The following CCDC92 variants were observed in gnomAD, a reference collection of about 807,000 sequenced individuals.
The protein encoded by CCDC92 is coiled-coil domain-containing protein 92.
In CCDC92, 12 loss-of-function variants were observed where a neutral mutation model predicts 24.9. The ratio of observed to expected loss-of-function variants is 0.48; its 90% CI spans 0.31 to 0.78. CCDC92 has a LOEUF of 0.78. CCDC92 is among the 30% of genes least tolerant of loss of function. CCDC92 has a pLI of 0.05. For missense variants in CCDC92, 399 were observed against 439.4 expected (o/e 0.91, Z 0.82); for synonymous variants, 193 against 196.3 (o/e 0.98, Z 0.14).
At chr12:123,941,671 G>GC (rs1244787881) in intron 4 of CCDC92, among the ~76,000 whole-genome samples, 1 of 152,216 alleles carries the variant, frequency 6.6e-6, no homozygotes, top group Non-Finnish European at 1.5e-5. Flanking sequence ...GCTCCGCCTT[G>GC]CCCCGGCACG....
chr12:123,941,028 T>C (rs965384853), intron 4 of CCDC92, among the ~76,000 whole-genome samples: 1 of 4,230 alleles, frequency 2.4e-4, no homozygotes, highest in Non-Finnish European at 4.7e-4. Flanking sequence ...GGTGGGTGGG[T>C]GGGCAGGTGG....
In CCDC92 at chr12:123,936,641, G is replaced by C. The variant is rs529809033; in HGVS notation, c.*417C>G. On this transcript the variant is annotated 3_prime_UTR_variant, in exon 5 of 5. Transcript: ENST00000238156. ...GGAGGTGACAAGGGTCTCCAGGAGG[G>C]AGCAGGGGCTGCTCGGCCAGGCTGC... is the stretch of plus-strand genomic sequence containing the variant. The C allele has an allele frequency of 3.1e-4, 66 of 213,654 alleles. No individual in the cohort carries two copies. The highest frequency in any genetic ancestry group is 4.4e-4 in the Non-Finnish European group (47 of 106,370). The allele number at this position is 213,654 out of a possible 1,614,324, so 13.2% of individuals were successfully genotyped here.
chr12:123,967,556 A>G (rs1956422825), intron 1 of CCDC92, among the ~76,000 whole-genome samples: 1 of 152,224 alleles, frequency 6.6e-6, no homozygotes. Flanking sequence ...TTCAATGTTT[A>G]AGGTATGGCA....
chr12:123,943,516 C>T, intron 2 of CCDC92, 23 bp from the exon 3 acceptor site: 4 of 1,613,350 alleles, frequency 2.5e-6, no homozygotes, highest in Non-Finnish European at 3.4e-6. Flanking sequence ...CAGACCCTGG[C>T]TGCGGTGCCT....
chr12:123,942,351 G>A (rs933305848), intron 4 of CCDC92, among the ~76,000 whole-genome samples: 2 of 152,236 alleles, frequency 1.3e-5, no homozygotes, highest in Non-Finnish European at 2.9e-5. Context: ...CATGCTAGGC[G>A]GCAGCGACAC....
At chr12:123,968,349 A>C (rs768146469) in intron 1 of CCDC92, 2 of 152,232 alleles carry the variant, frequency 1.3e-5, no homozygotes, top group Non-Finnish European at 2.9e-5. Context: ...GAAGTCTTTA[A>C]AGATGTTTGT....
chr12:123,941,554 A>G (rs1271465749), intron 4 of CCDC92, among the ~76,000 whole-genome samples: 1 of 152,244 alleles, frequency 6.6e-6, no homozygotes, highest in Non-Finnish European at 1.5e-5. Context: ...CCTGTTTAGA[A>G]AAAGGCATTG....
chr12:123,958,538 G>T (rs1014162644), intron 1 of CCDC92, among the ~76,000 whole-genome samples: 11 of 152,234 alleles, frequency 7.2e-5, no homozygotes, highest in African/African-American at 2.7e-4. Flanking sequence ...GACTCTCATG[G>T]CAGCTCTGGG....
At chr12:123,971,478 C>G (rs1956533898) in intron 1 of CCDC92, 1 of 149,960 alleles carries the variant, frequency 6.7e-6, no homozygotes, top group Non-Finnish European at 1.5e-5. Flanking sequence ...AAATAAATTT[C>G]AAACGTAAAA....
At chr12:123,956,484 A>G (rs998350575) in intron 1 of CCDC92, 1 of 152,210 alleles carries the variant, frequency 6.6e-6, no homozygotes, top group South Asian at 2.1e-4. Context: ...GACGGCATTT[A>G]TGACTGACCC....
intron 1 of CCDC92, among the ~76,000 whole-genome samples, chr12:123,947,314 C>T (rs1323473355): frequency 2.0e-5 from 3 of 152,200 alleles, no homozygotes; most frequent in African/African-American, 7.2e-5. Context: ...GGTGCCCAAT[C>T]CCATCGACCA....
chr12:123,962,706 C>CA (rs1282641793), intron 1 of CCDC92: 1 of 153,052 alleles, frequency 6.5e-6, no homozygotes, highest in African/African-American at 2.4e-5. Context: ...GCAGTGGCAA[C>CA]AGTAATCTTC....
chr12:123,968,838 G>A (rs1361503124), intron 1 of CCDC92, among the ~76,000 whole-genome samples: 1 of 152,254 alleles, frequency 6.6e-6, no homozygotes, highest in Non-Finnish European at 1.5e-5. Flanking sequence ...ATCTGCTAGA[G>A]AACGAGAGAG....
intron 1 of CCDC92, among the ~76,000 whole-genome samples, chr12:123,955,325 C>A (rs1438519546): frequency 1.3e-5 from 2 of 152,202 alleles, no homozygotes; most frequent in Non-Finnish European, 2.9e-5. Flanking sequence ...ATTTCCACCT[C>A]AGATTGAGAT....
chr12:123,941,208 G>T (rs1955673582), intron 4 of CCDC92, among the ~76,000 whole-genome samples: 1 of 152,202 alleles, frequency 6.6e-6, no homozygotes, highest in African/African-American at 2.4e-5. Context: ...GACGCTGGAG[G>T]TCCCTAGTGT....
At chr12:123,948,732 A>G (rs1955947715) in intron 1 of CCDC92, among the ~76,000 whole-genome samples, 1 of 152,268 alleles carries the variant, frequency 6.6e-6, no homozygotes, top group Admixed American at 6.5e-5. Flanking sequence ...AGGCAGGTCC[A>G]CTTGGGGCCA....
At chr12:123,955,859 T>C (rs573344921) in intron 1 of CCDC92, among the ~76,000 whole-genome samples, 1 of 152,346 alleles carries the variant, frequency 6.6e-6, no homozygotes, top group African/African-American at 2.4e-5. Context: ...TCATTACCTA[T>C]AACAGGCATC....
At chr12:123,948,405 G>A (rs1191169570) in intron 1 of CCDC92, among the ~76,000 whole-genome samples, 4 of 152,168 alleles carry the variant, frequency 2.6e-5, no homozygotes, top group African/African-American at 9.7e-5. Flanking sequence ...TAACAACGCT[G>A]TGTGTCATTA....
intron 1 of CCDC92, among the ~76,000 whole-genome samples, chr12:123,950,754 G>A (rs1956005331): frequency 6.6e-6 from 1 of 152,184 alleles, no homozygotes; most frequent in Non-Finnish European, 1.5e-5. Flanking sequence ...GATGTTACCC[G>A]TGGGAGGAAC....
Sources: allele counts gnomAD v4.1 joint callset (sites outside exome capture counted in the v4.1 genomes callset), GRCh38; gene constraint gnomAD v4.1.1; transcripts MANE v1.5; gene names NCBI Gene and HGNC (gene_info 2026-07-23, HGNC 2026-07-21).